UNC80: variants seen among roughly 807,000 people sequenced by gnomAD.
The protein encoded by UNC80 is protein unc-80 homolog.
Under a neutral mutation model 384.6 loss-of-function variants are expected in UNC80, and 164 were observed. The observed-to-expected ratio is 0.43, with a 90% CI of 0.38 to 0.49. UNC80 has a LOEUF of 0.49. Ranked by LOEUF, UNC80 falls within the 20% of genes least tolerant of loss-of-function variation. The pLI, the probability that UNC80 is intolerant of heterozygous loss-of-function variation, is 0.00. For synonymous variants in UNC80, 1,486 were observed against 1,527.8 expected (o/e 0.97, Z 0.64); for missense variants, 3,330 against 4,143.0 (o/e 0.80, Z 5.39).
At chr2:209,826,114 G>C (rs549063520) in intron 14 of UNC80, 61 bp downstream of exon 14, 1 of 1,463,864 alleles carries the variant, frequency 6.8e-7, no homozygotes, top group South Asian at 1.4e-5. Context: ...GTTTAAGAAT[G>C]AGTCCTTTGA....
chr2:209,965,028 A>C (rs572319747), intron 51 of UNC80, among the ~76,000 whole-genome samples: 1 of 152,218 alleles, frequency 6.6e-6, no homozygotes, highest in East Asian at 1.9e-4. Context: ...TGAGTCCATA[A>C]ATTTGGAGAC....
intron 47 of UNC80, among the ~76,000 whole-genome samples, chr2:209,947,546 AT>A (rs947919883): frequency 1.3e-5 from 2 of 152,100 alleles, no homozygotes; most frequent in African/African-American, 2.4e-5. Context: ...TTAAATTAGA[AT>A]TTTTTTTAAT....
intron 36 of UNC80, among the ~76,000 whole-genome samples, chr2:209,928,785 A>G (rs1443964756): frequency 2.6e-5 from 4 of 152,252 alleles, no homozygotes; most frequent in Admixed American, 2.6e-4. Context: ...CCTGCTATCT[A>G]GCTGTAATTT....
chr2:209,798,936 G>A (rs1471505597), intron 7 of UNC80, among the ~76,000 whole-genome samples: 3 of 148,372 alleles, frequency 2.0e-5, no homozygotes, highest in African/African-American at 5.0e-5. Context: ...CGCCCACCTC[G>A]GCCTCCCAAA....
At chr2:209,947,819 C>A (rs2091980529) in intron 47 of UNC80, among the ~76,000 whole-genome samples, 1 of 152,258 alleles carries the variant, frequency 6.6e-6, no homozygotes. Context: ...GTTATCACAT[C>A]TACATAACTA....
intron 18 of UNC80, among the ~76,000 whole-genome samples, chr2:209,838,328 A>G (rs1294983940): frequency 6.8e-6 from 1 of 146,240 alleles, no homozygotes; most frequent in Non-Finnish European, 1.5e-5. Flanking sequence ...TAAAGATCTT[A>G]CTTCAGCTGC....
chr2:209,868,407 C>T (rs1375989792), intron 22 of UNC80, among the ~76,000 whole-genome samples: 1 of 152,114 alleles, frequency 6.6e-6, no homozygotes, highest in African/African-American at 2.4e-5. Flanking sequence ...AAGATTTCTT[C>T]GCACATTGTA....
intron 51 of UNC80, among the ~76,000 whole-genome samples, chr2:209,960,620 T>C (rs2092560134): frequency 6.6e-6 from 1 of 152,222 alleles, no homozygotes; most frequent in South Asian, 2.1e-4. Context: ...TATTGCCTTT[T>C]TTTAAATTTA....
intron 14 of UNC80, among the ~76,000 whole-genome samples, 158 bp downstream of exon 14, chr2:209,826,211 T>C (rs2080506927): frequency 6.6e-6 from 1 of 152,236 alleles, no homozygotes; most frequent in African/African-American, 2.4e-5. Flanking sequence ...TCATGAGATA[T>C]CTCAAGCCAT....
rs771999760 is a variant in UNC80 at position 209,816,906 on chromosome 2, T to C, written c.1336-3T>C. The stretch of plus-strand genomic sequence containing the variant: ...CCTAATTCTACACCTCTCATCACTG[T>C]AGTTCAAGAGCCGCAAAGAAGACCG... On this transcript the variant is annotated splice_region_variant and splice_polypyrimidine_tract_variant and intron_variant, in intron 9 of 64. Coordinates refer to ENST00000673920, the MANE Select transcript of UNC80 (RefSeq NM_001371986.1). The C allele has an allele frequency of 3.9e-6, 6 of 1,551,516 alleles. No individual in the cohort carries two copies.
chr2:209,823,948 A>G (rs760839866), intron 13 of UNC80, among the ~76,000 whole-genome samples: 2 of 152,200 alleles, frequency 1.3e-5, no homozygotes, highest in Non-Finnish European at 2.9e-5. Context: ...AGAAAATTCC[A>G]TACCTGACCT....
chr2:209,977,694 C>G (rs1479273186), intron 58 of UNC80, among the ~76,000 whole-genome samples: 1 of 152,138 alleles, frequency 6.6e-6, no homozygotes, highest in Non-Finnish European at 1.5e-5. Flanking sequence ...GGGAAGGATT[C>G]CCTTAGAGCT....
At chr2:209,813,416 G>T (rs2079507418) in intron 7 of UNC80, among the ~76,000 whole-genome samples, 164 bp from the exon 8 acceptor site, 1 of 152,218 alleles carries the variant, frequency 6.6e-6, no homozygotes, top group African/African-American at 2.4e-5. Context: ...TTTAGTGAAA[G>T]TGGAATGAGA....
chr2:209,894,372 A>G lies in UNC80; in HGVS notation c.4480+6A>G. The G allele has an allele frequency of 1.0e-6, 1 of 985,250 alleles. No individual in the cohort carries two copies. Among genetic ancestry groups the G allele is most frequent in the Non-Finnish European group, 1.2e-6 (1 of 829,804 alleles). 61.0% of individuals were successfully genotyped at this position (985,250 alleles called of 1,614,324 possible). A position where few individuals can be genotyped will look rare whatever the true frequency, so the allele number is the denominator to read the frequency against. On this transcript the variant is annotated splice_donor_region_variant and intron_variant, in intron 27 of 64. Coordinates refer to ENST00000673920, the MANE Select transcript of UNC80 (RefSeq NM_001371986.1). ...GGACACTGTCACTGACCTAGGTAACATAGAGGAGTGGGGTGTGCAGGGACG... is the reference window on the plus strand; with the variant it reads ...GGACACTGTCACTGACCTAGGTAACGTAGAGGAGTGGGGTGTGCAGGGACG...
chr2:209,951,300 TC>T (rs202203996), intron 47 of UNC80, among the ~76,000 whole-genome samples: 14,636 of 101,138 alleles, frequency 0.14, 1,733 homozygotes, highest in African/African-American at 0.38. Context: ...TTTTTTTTTC[TC>T]TCTCTCTCTC....
chr2:209,962,553 A>T (rs989024366), intron 51 of UNC80, among the ~76,000 whole-genome samples: 1 of 152,236 alleles, frequency 6.6e-6, no homozygotes, highest in Admixed American at 6.5e-5. Context: ...GCAGTTCAGC[A>T]AGAGCAATTG....
chr2:209,954,534 C>CT (rs2092327519), intron 48 of UNC80: 1 of 249,942 alleles, frequency 4.0e-6, no homozygotes, highest in South Asian at 1.6e-4. Context: ...TTGCATATAG[C>CT]TTGCTGAGCT....
At chr2:209,943,578 A>G (rs2091760892) in intron 45 of UNC80, 64 bp downstream of exon 45, 5 of 1,534,234 alleles carry the variant, frequency 3.3e-6, no homozygotes, top group Non-Finnish European at 4.4e-6. Flanking sequence ...AAGGTTATTT[A>G]TTAGAGCTTA....
At chr2:209,870,166 A>G (rs1375455239) in intron 22 of UNC80, among the ~76,000 whole-genome samples, 1 of 152,166 alleles carries the variant, frequency 6.6e-6, no homozygotes, top group African/African-American at 2.4e-5. Flanking sequence ...GGTTCACAAT[A>G]TAATGCTATT....
Sources: allele counts gnomAD v4.1 joint callset (sites outside exome capture counted in the v4.1 genomes callset), GRCh38; gene constraint gnomAD v4.1.1; transcripts MANE v1.5; gene names NCBI Gene and HGNC (gene_info 2026-07-23, HGNC 2026-07-21).